KCND2: variants seen among roughly 807,000 people sequenced by gnomAD.
KCND2 encodes A-type voltage-gated potassium channel KCND2.
KCND2 carries 16 observed loss-of-function variants against 54.4 expected under a neutral mutation model. The ratio of observed to expected loss-of-function variants is 0.29; its 90% CI spans 0.20 to 0.45. KCND2 has a LOEUF of 0.45. Among genes scored for constraint, KCND2 ranks in the 20% least tolerant of loss-of-function variants. KCND2 has a pLI of 1.00. For synonymous variants in KCND2, 317 were observed against 310.7 expected, an observed-to-expected ratio of 1.02 and a Z score of -0.21; for missense variants, 486 against 824.2, an observed-to-expected ratio of 0.59 and a Z score of 5.02.
intron 1 of KCND2, among the ~76,000 whole-genome samples, chr7:120,708,087 AG>A (rs1792492538): frequency 6.6e-6 from 1 of 152,078 alleles, no homozygotes; most frequent in Admixed American, 6.6e-5. Flanking sequence ...ATTGTCAGAA[AG>A]GGAAAAACAA....
intron 1 of KCND2, among the ~76,000 whole-genome samples, chr7:120,526,636 A>G (rs1382834035): frequency 6.6e-6 from 1 of 152,186 alleles, no homozygotes; most frequent in Non-Finnish European, 1.5e-5. Context: ...AACAATAAAA[A>G]CAACTAAGAA....
chr7:120,592,008 A>G (rs1438904508), intron 1 of KCND2, among the ~76,000 whole-genome samples: 1 of 152,208 alleles, frequency 6.6e-6, no homozygotes, highest in African/African-American at 2.4e-5. Flanking sequence ...CGCTGATTAA[A>G]ATGTAATGAA....
At chr7:120,683,926 G>A (rs1792170345) in intron 1 of KCND2, among the ~76,000 whole-genome samples, 1 of 152,114 alleles carries the variant, frequency 6.6e-6, no homozygotes, top group Admixed American at 6.6e-5. Context: ...ACAGTAAACA[G>A]AGATGGTTCC....
At chr7:120,280,421 T>C (rs1386751131) in intron 1 of KCND2, among the ~76,000 whole-genome samples, 4 of 152,078 alleles carry the variant, frequency 2.6e-5, no homozygotes, top group Non-Finnish European at 5.9e-5. Context: ...TAATATGTGT[T>C]ATTTCAACAT....
chr7:120,464,079 C>T (rs1802330700), intron 1 of KCND2: 23 of 982,816 alleles, frequency 2.3e-5, no homozygotes, highest in Admixed American at 6.3e-5. Context: ...TACCAAGCCA[C>T]CCCAAAGCAC....
chr7:120,511,486 C>A (rs1803114492), intron 1 of KCND2, among the ~76,000 whole-genome samples: 1 of 151,946 alleles, frequency 6.6e-6, no homozygotes, highest in Non-Finnish European at 1.5e-5. Flanking sequence ...ATGAACAAAT[C>A]CAAAAAGAAC....
chr7:120,555,784 G>A (rs1792156383), intron 1 of KCND2, among the ~76,000 whole-genome samples: 1 of 152,186 alleles, frequency 6.6e-6, no homozygotes, highest in Non-Finnish European at 1.5e-5. Context: ...CCCTGAATAT[G>A]AACAGATCTG....
chr7:120,441,436 T>G (rs1801943906), intron 1 of KCND2, among the ~76,000 whole-genome samples: 1 of 152,098 alleles, frequency 6.6e-6, no homozygotes, highest in Admixed American at 6.6e-5. Context: ...TGGAAATAGC[T>G]CTTTGATTTT....
At chr7:120,632,634 GC>G (rs1165818689) in intron 1 of KCND2, among the ~76,000 whole-genome samples, 13 of 152,204 alleles carry the variant, frequency 8.5e-5, no homozygotes, top group African/African-American at 3.1e-4. Flanking sequence ...AAAATAATAA[GC>G]ATGATTTATT....
intron 1 of KCND2, among the ~76,000 whole-genome samples, chr7:120,492,777 T>A: frequency 6.6e-6 from 1 of 152,132 alleles, no homozygotes; most frequent in Non-Finnish European, 1.5e-5. Flanking sequence ...TAGCGTGCCA[T>A]AAATATGCTC....
intron 1 of KCND2, among the ~76,000 whole-genome samples, chr7:120,505,718 A>G (rs1803005270): frequency 1.3e-5 from 2 of 151,780 alleles, no homozygotes; most frequent in Admixed American, 1.3e-4. Flanking sequence ...GAATAGCTGT[A>G]CAGTGGTAAG....
intron 1 of KCND2, among the ~76,000 whole-genome samples, chr7:120,502,280 T>G (rs1802948265): frequency 6.6e-6 from 1 of 152,012 alleles, no homozygotes; most frequent in South Asian, 2.1e-4. Context: ...CTTTCTCCTC[T>G]CCTTCCCCTA....
At chr7:120,320,267 C>T (rs753874118) in intron 1 of KCND2, among the ~76,000 whole-genome samples, 1 of 152,066 alleles carries the variant, frequency 6.6e-6, no homozygotes, top group Non-Finnish European at 1.5e-5. Context: ...ATTATTATAT[C>T]TGCAAAGGAG....
At chr7:120,359,576 C>T (rs879292569) in intron 1 of KCND2, among the ~76,000 whole-genome samples, 7 of 151,866 alleles carry the variant, frequency 4.6e-5, no homozygotes, top group Non-Finnish European at 8.8e-5. Context: ...TTATCTTTTC[C>T]GAAAGAGGAA....
chr7:120,338,627 A>C (rs763617256), intron 1 of KCND2, among the ~76,000 whole-genome samples: 136 of 152,040 alleles, frequency 8.9e-4, no homozygotes, highest in Non-Finnish European at 1.8e-3. Context: ...TAATGAGAAA[A>C]CTTACAAAAT....
At chr7:120,424,332 C>T (rs1156618561) in intron 1 of KCND2, among the ~76,000 whole-genome samples, 2 of 152,074 alleles carry the variant, frequency 1.3e-5, no homozygotes, top group Non-Finnish European at 1.5e-5. Flanking sequence ...TAGAATTGAA[C>T]TAAAACGACA....
chr7:120,409,679 CT>C lies in KCND2; in HGVS notation c.1115+133941del, dbSNP rs552716541. 2.3e-4 allele frequency among the ~76,000 whole-genome samples: 34 copies of C among 150,530 alleles called. 1 individual carries two copies. The highest frequency in any genetic ancestry group is 1.5e-4 in the Non-Finnish European group (10 of 67,382). ...CATCTTTTCATGTTTTTTGGCCATACTTTTTTTTTGGTCAAAATTATGTTTA... is the reference window on the plus strand; with the variant it reads ...CATCTTTTCATGTTTTTTGGCCATACTTTTTTTTGGTCAAAATTATGTTTA... On this transcript the variant is annotated intron_variant, in intron 1 of 5. Coordinates refer to ENST00000331113, the MANE Select transcript of KCND2 (RefSeq NM_012281.3).
At chr7:120,502,022 C>A (rs150393008) in intron 1 of KCND2, among the ~76,000 whole-genome samples, 22 of 152,088 alleles carry the variant, frequency 1.4e-4, no homozygotes, top group African/African-American at 5.3e-4. Context: ...GTCATCTGGA[C>A]AATGAGATGT....
intron 1 of KCND2, among the ~76,000 whole-genome samples, chr7:120,314,643 C>G (rs950460397): frequency 1.3e-5 from 2 of 151,990 alleles, no homozygotes. Context: ...CCCGTATAAG[C>G]GATGGATCTG....
Sources: gnomAD v4.1 joint callset for allele counts (sites outside exome capture counted in the v4.1 genomes callset) on GRCh38, gnomAD v4.1.1 for gene constraint, MANE v1.5 for transcripts, NCBI Gene and HGNC (gene_info 2026-07-23, HGNC 2026-07-21) for gene names.